IKZF3: variants seen among roughly 807,000 people sequenced by gnomAD.
IKZF3 encodes zinc finger protein Aiolos.
A neutral mutation model predicts 49.0 loss-of-function variants in IKZF3; 10 were observed. The ratio of observed to expected loss-of-function variants is 0.20; its 90% CI spans 0.13 to 0.35. The LOEUF (loss-of-function observed/expected upper bound fraction) is 0.35. IKZF3 is among the 10% of genes least tolerant of loss of function. The pLI, the probability that IKZF3 is intolerant of heterozygous loss-of-function variation, is 1.00. For missense variants in IKZF3, 498 were observed against 664.8 expected (o/e 0.75, Z 2.76); for synonymous variants, 209 against 228.2 (o/e 0.92, Z 0.76).
intron 6 of IKZF3, among the ~76,000 whole-genome samples, chr17:39,779,710 C>T (rs1174179636): frequency 3.6e-5 from 5 of 137,066 alleles, no homozygotes; most frequent in Non-Finnish European, 4.6e-5. Flanking sequence ...TGTACACAAA[C>T]AGGCCACTGG....
rs548556101 is a variant in IKZF3 at position 39,794,019 on chromosome 17, G to T, written c.164-1086C>A. Reference sequence around the variant, plus strand: ...TAAATGCTTACTTTTTCAACCATTGGTCCTTAGAAATCAAAAGTTGTACCT... The same window carrying T: ...TAAATGCTTACTTTTTCAACCATTGTTCCTTAGAAATCAAAAGTTGTACCT... On this transcript the variant is annotated intron_variant, in intron 3 of 7. Transcript: ENST00000346872. Among the ~76,000 whole-genome samples the T allele has an allele frequency of 7.9e-5, 12 of 152,234 alleles. No homozygotes were observed. The South Asian group carries it at 2.3e-3, about 29-fold the overall frequency.
intron 7 of IKZF3, among the ~76,000 whole-genome samples, chr17:39,776,568 T>C (rs2060594740): frequency 6.6e-6 from 1 of 152,224 alleles, no homozygotes; most frequent in Admixed American, 6.5e-5. Context: ...CACAAAAACC[T>C]TTCAGCTAGT....
At chr17:39,801,359 G>T (rs958998674) in intron 3 of IKZF3, among the ~76,000 whole-genome samples, 57 of 138,178 alleles carry the variant, frequency 4.1e-4, no homozygotes, top group East Asian at 9.4e-4. Context: ...GAAAGGGGGT[G>T]GGGGGGGGCT....
intron 1 of IKZF3, among the ~76,000 whole-genome samples, chr17:39,834,704 C>G (rs546997364): frequency 4.6e-5 from 7 of 151,654 alleles, no homozygotes; most frequent in East Asian, 3.9e-4. Context: ...TGTTGGTTTT[C>G]TTTGTTTGTT....
intron 6 of IKZF3, among the ~76,000 whole-genome samples, chr17:39,782,424 C>T (rs1324028352): frequency 1.3e-5 from 2 of 152,026 alleles, no homozygotes; most frequent in Non-Finnish European, 2.9e-5. Flanking sequence ...CACACACACA[C>T]ACACACATAT....
At chr17:39,835,142 G>A in intron 1 of IKZF3, 2 of 476,420 alleles carry the variant, frequency 4.2e-6, no homozygotes, top group South Asian at 3.1e-5. Context: ...TGTAGGCTGA[G>A]CTCAGCCCAC....
intron 3 of IKZF3, among the ~76,000 whole-genome samples, chr17:39,817,618 A>T (rs1384871284): frequency 1.3e-5 from 2 of 152,098 alleles, no homozygotes; most frequent in African/African-American, 4.8e-5. Flanking sequence ...TCTAGTCTTA[A>T]ATGTTTTCCT....
intron 3 of IKZF3, 107 bp from the exon 4 acceptor site, chr17:39,793,040 A>G: frequency 9.1e-7 from 1 of 1,093,976 alleles, no homozygotes; most frequent in Non-Finnish European, 1.3e-6. Flanking sequence ...AATCGAAGCT[A>G]ACAAAACACT....
At chr17:39,816,547 C>T (rs984122151) in intron 3 of IKZF3, among the ~76,000 whole-genome samples, 1 of 152,190 alleles carries the variant, frequency 6.6e-6, no homozygotes, top group Non-Finnish European at 1.5e-5. Flanking sequence ...TGAGAAGATG[C>T]AACAGAGATT....
intron 6 of IKZF3, among the ~76,000 whole-genome samples, chr17:39,781,446 G>GAA (rs1454812310): frequency 3.3e-5 from 5 of 151,938 alleles, no homozygotes; most frequent in Non-Finnish European, 5.9e-5. Context: ...GATTTATAGG[G>GAA]AAAAAAAGAA....
intron 1 of IKZF3, among the ~76,000 whole-genome samples, chr17:39,861,581 C>A (rs1272643290): frequency 1.3e-5 from 2 of 152,166 alleles, no homozygotes; most frequent in African/African-American, 4.8e-5. Context: ...CCTCCATACG[C>A]TCACAATGGA....
chr17:39,814,610 G>T (rs2144133363), intron 3 of IKZF3, among the ~76,000 whole-genome samples: 1 of 152,280 alleles, frequency 6.6e-6, no homozygotes, highest in East Asian at 1.9e-4. Context: ...TCTCCCTAGA[G>T]GAGGACAGAA....
chr17:39,797,796 T>G (rs1198378898), intron 3 of IKZF3, among the ~76,000 whole-genome samples: 1 of 152,092 alleles, frequency 6.6e-6, no homozygotes, highest in African/African-American at 2.4e-5. Context: ...CTTGCCCCTT[T>G]TCTTCCCTCT....
At chr17:39,845,455 C>T (rs1178449443) in intron 1 of IKZF3, among the ~76,000 whole-genome samples, 1 of 150,196 alleles carries the variant, frequency 6.7e-6, no homozygotes, top group Admixed American at 6.7e-5. Flanking sequence ...ACCTGGGAGG[C>T]AGAGGTTTCA....
chr17:39,807,544 A>ATTTTTTTTTTTT (rs890371023), intron 3 of IKZF3, among the ~76,000 whole-genome samples: 3 of 80,780 alleles, frequency 3.7e-5, no homozygotes, highest in African/African-American at 5.1e-5. Context: ...GACTATTTAA[A>ATTTTTTTTTTTT]TTTTTTTTTT....
rs1343414200 is a variant in IKZF3, at chr17:39,823,855, G to A, written c.163+5532C>T. On this transcript the variant is annotated intron_variant, in intron 3 of 7. Transcript: ENST00000346872. ...ACATCGGATGTCCAGACAGAAGTTC[G>A]CTACAGGGGTGGAGCCCTCATGGAG... Among the ~76,000 whole-genome samples, 4 of 152,340 alleles carry A rather than the reference G, an allele frequency of 2.6e-5. No individual in the cohort carries two copies. In the East Asian group the frequency reaches 5.8e-4, roughly 22 times the overall value.
chr17:39,796,780 T>A (rs1465255962), intron 3 of IKZF3, among the ~76,000 whole-genome samples: 1 of 149,882 alleles, frequency 6.7e-6, no homozygotes, highest in Admixed American at 6.6e-5. Flanking sequence ...ACTCCTGACC[T>A]CGTGATCCAC....
Position 39,777,697 on chromosome 17 carries a change from T to C in IKZF3, c.780A>G (p.Ala260=), listed in dbSNP as rs1410876103. Reference sequence around the variant, plus strand: ...AGCTTTTTCGTTTTGCCACATTGCTTGCTAATCTGTCCAGTACGAGAGCTC... The same window carrying C: ...AGCTTTTTCGTTTTGCCACATTGCTCGCTAATCTGTCCAGTACGAGAGCTC... ...SERALVLDRL[A]SNVAKRKSSM... The change falls in exon 7 of 8, where the codon GCA becomes GCG. Residue 260 remains alanine (A), a synonymous_variant. Transcript: ENST00000346872. 1.2e-6 allele frequency: 2 copies of C among 1,613,972 alleles called. No homozygotes were observed.
intron 3 of IKZF3, among the ~76,000 whole-genome samples, chr17:39,826,367 G>A (rs1224617450): frequency 6.6e-6 from 1 of 152,176 alleles, no homozygotes; most frequent in African/African-American, 2.4e-5. Flanking sequence ...TAAGGTAAAT[G>A]GACAACATCC....
Sources: allele counts gnomAD v4.1 joint callset (sites outside exome capture counted in the v4.1 genomes callset), GRCh38; gene constraint gnomAD v4.1.1; transcripts MANE v1.5; gene names NCBI Gene and HGNC (gene_info 2026-07-23, HGNC 2026-07-21).